SERPINE2: variants seen among roughly 807,000 people sequenced by gnomAD.
SERPINE2 encodes glia-derived nexin.
A neutral mutation model predicts 36.3 loss-of-function variants in SERPINE2; 14 were observed. The ratio of observed to expected loss-of-function variants is 0.39; its 90% confidence interval spans 0.25 to 0.60. The LOEUF (loss-of-function observed/expected upper bound fraction) is 0.60. Ranked by LOEUF, SERPINE2 falls within the 20% of genes least tolerant of loss-of-function variation. SERPINE2 has a pLI of 0.57. For missense variants in SERPINE2, 418 were observed against 499.6 expected (o/e 0.84, Z 1.56); for synonymous variants, 192 against 191.8 (o/e 1.00, Z -0.01).
chr2:224,002,912 A>G (rs1459708479), intron 1 of SERPINE2, among the ~76,000 whole-genome samples: 1 of 151,950 alleles, frequency 6.6e-6, no homozygotes, highest in Non-Finnish European at 1.5e-5. Flanking sequence ...AATGGACAAG[A>G]CTCTCACCCG....
At chr2:223,997,223 T>TTTG (rs1005461280) in intron 3 of SERPINE2, among the ~76,000 whole-genome samples, 3 of 152,100 alleles carry the variant, frequency 2.0e-5, no homozygotes, top group Non-Finnish European at 4.4e-5. Flanking sequence ...TTTGTTTCTT[T>TTTG]TTGTTGTTGT....
intron 1 of SERPINE2, among the ~76,000 whole-genome samples, chr2:224,029,312 A>T (rs1007814820): frequency 6.6e-6 from 1 of 152,228 alleles, no homozygotes; most frequent in Non-Finnish European, 1.5e-5. Context: ...TTAGAGCAAC[A>T]ACTCAGGTGT....
intron 1 of SERPINE2, among the ~76,000 whole-genome samples, chr2:224,025,471 T>G (rs1559219857): frequency 6.6e-6 from 1 of 152,254 alleles, no homozygotes; most frequent in South Asian, 2.1e-4. Context: ...ACAGCCCTCT[T>G]CTTTTCCCAA....
intron 4 of SERPINE2, among the ~76,000 whole-genome samples, chr2:223,991,452 T>C (rs1690668671): frequency 1.3e-5 from 2 of 152,248 alleles, no homozygotes; most frequent in Admixed American, 1.3e-4. Context: ...AATTTGGTAA[T>C]GTAAGACTGC....
chr2:224,010,391 A>T (rs1199438871), intron 1 of SERPINE2: 70 of 983,908 alleles, frequency 7.1e-5, no homozygotes, highest in Non-Finnish European at 8.4e-5. Flanking sequence ...TGGTCCCTTC[A>T]ATGAAAAGAC....
At chr2:224,000,483 AT>A (rs1351040722) in intron 2 of SERPINE2, among the ~76,000 whole-genome samples, 1 of 152,074 alleles carries the variant, frequency 6.6e-6, no homozygotes, top group Non-Finnish European at 1.5e-5. Flanking sequence ...CTTTAAAACA[AT>A]TTTTTTAGCT....
chr2:224,026,223 C>G (rs1174149684), intron 1 of SERPINE2, among the ~76,000 whole-genome samples: 2 of 152,208 alleles, frequency 1.3e-5, no homozygotes, highest in African/African-American at 2.4e-5. Flanking sequence ...ATAAACACGC[C>G]CACTTCGGGC....
At chr2:224,000,784 G>A (rs559950718) in intron 2 of SERPINE2, among the ~76,000 whole-genome samples, 115 of 152,174 alleles carry the variant, frequency 7.6e-4, no homozygotes, top group African/African-American at 2.5e-3. Context: ...AGAACATGCC[G>A]TGTTTGGTTT....
intron 1 of SERPINE2, among the ~76,000 whole-genome samples, chr2:224,020,346 C>T (rs1691954994): frequency 6.6e-6 from 1 of 152,118 alleles, no homozygotes; most frequent in South Asian, 2.1e-4. Flanking sequence ...CTTTCCATAT[C>T]TGGTCTGACC....
intron 1 of SERPINE2, among the ~76,000 whole-genome samples, chr2:224,015,693 C>A (rs544640860): frequency 6.6e-6 from 1 of 152,302 alleles, no homozygotes; most frequent in East Asian, 1.9e-4. Context: ...TTTCTCACCA[C>A]CCGGCACTGC....
At chr2:224,011,651 G>A (rs1691625517) in intron 1 of SERPINE2, among the ~76,000 whole-genome samples, 1 of 152,224 alleles carries the variant, frequency 6.6e-6, no homozygotes, top group African/African-American at 2.4e-5. Context: ...AATGTAAATT[G>A]ATTTTTTAAA....
intron 8 of SERPINE2, 83 bp from the exon 9 acceptor site, chr2:223,975,987 A>G (rs1559190711): frequency 7.7e-7 from 1 of 1,306,808 alleles, no homozygotes. Context: ...ATTTAAGGGA[A>G]GGGAAACAAT....
At chr2:223,985,167 G>A (rs1690378331) in intron 4 of SERPINE2, 1 of 564,564 alleles carries the variant, frequency 1.8e-6, no homozygotes, top group Non-Finnish European at 3.1e-6. Flanking sequence ...ATGCCTTTGG[G>A]AATCACTGAA....
At chr2:223,983,574 T>G (rs1317730198) in intron 5 of SERPINE2, among the ~76,000 whole-genome samples, 2 of 151,994 alleles carry the variant, frequency 1.3e-5, no homozygotes, top group African/African-American at 4.8e-5. Flanking sequence ...TCTGAAAGTA[T>G]TTTACTATTA....
chr2:224,015,975 T>C (rs1691786512), intron 1 of SERPINE2, among the ~76,000 whole-genome samples: 2 of 152,204 alleles, frequency 1.3e-5, no homozygotes, highest in South Asian at 4.1e-4. Context: ...AAGACATGGA[T>C]AGATATTCCA....
chr2:224,038,267 G>A (rs530257006), intron 1 of SERPINE2, among the ~76,000 whole-genome samples: 9 of 152,052 alleles, frequency 5.9e-5, no homozygotes, highest in Non-Finnish European at 1.0e-4. Flanking sequence ...CCCCTGCAAA[G>A]TAGCCAAAGC....
At chr2:224,000,102 A>G (rs1691052770) in intron 2 of SERPINE2, among the ~76,000 whole-genome samples, 1 of 152,208 alleles carries the variant, frequency 6.6e-6, no homozygotes, top group Admixed American at 6.5e-5. Flanking sequence ...GAAGGACACA[A>G]ATCGCCACCT....
At chr2:224,021,167 G>T (rs1224221855) in intron 1 of SERPINE2, among the ~76,000 whole-genome samples, 1 of 152,214 alleles carries the variant, frequency 6.6e-6, no homozygotes, top group Non-Finnish European at 1.5e-5. Context: ...CCTGGCGTTA[G>T]AAATGCCCTT....
chr2:223,996,654 T>C (rs1323889273), intron 3 of SERPINE2, among the ~76,000 whole-genome samples: 1 of 152,182 alleles, frequency 6.6e-6, no homozygotes, highest in Non-Finnish European at 1.5e-5. Flanking sequence ...TCTCAACACA[T>C]AGCCCAGATA....
Sources: gnomAD v4.1 joint callset for allele counts (sites outside exome capture counted in the v4.1 genomes callset) on GRCh38, gnomAD v4.1.1 for gene constraint, MANE v1.5 for transcripts, NCBI Gene and HGNC (gene_info 2026-07-23, HGNC 2026-07-21) for gene names.